TRIM69: variants seen among roughly 807,000 people sequenced by gnomAD.
TRIM69 encodes the protein E3 ubiquitin-protein ligase TRIM69.
TRIM69 carries 29 observed loss-of-function variants against 37.7 expected under a neutral mutation model. The ratio of observed to expected loss-of-function variants is 0.77; its 90% CI spans 0.57 to 1.05. The LOEUF (loss-of-function observed/expected upper bound fraction) is 1.05, where lower values mean the gene tolerates loss of function less well. Ranked by LOEUF, TRIM69 falls within the 50% of genes least tolerant of loss-of-function variation. The pLI is 0.00. For synonymous variants in TRIM69, 209 were observed against 212.4 expected (o/e 0.98, Z 0.14); for missense variants, 596 against 579.9 (o/e 1.03, Z -0.28).
At chr15:44,759,604 C>T (rs183577616) in intron 4 of TRIM69, 36 bp from the exon 5 acceptor site, 159 of 1,607,570 alleles carry the variant, frequency 9.9e-5, no homozygotes, top group African/African-American at 2.3e-4. Context: ...AGTTGATGAA[C>T]GGGCATCTGA....
In TRIM69 at chr15:44,767,577, G is replaced by A. The variant is rs2087927429; in HGVS notation, c.1308G>A (p.Leu436=). 6.2e-7 allele frequency: 1 copy of A among 1,614,140 alleles called. No individual in the cohort carries two copies. The highest frequency in any genetic ancestry group is 8.5e-7 in the Non-Finnish European group (1 of 1,179,996). The change falls in exon 7 of 7, where the codon CTG becomes CTA. Residue 436 remains leucine, a synonymous_variant. Coordinates refer to ENST00000329464, the MANE Select transcript of TRIM69 (RefSeq NM_182985.5). ...ATTTGCCTTCTTTCAGTCTGACACT[G>A]ACTAACAACCTCGACAAGGTGGGCA... ...ALDLPSFSLT[L]TNNLDKVGIY...
chr15:44,745,069 T>TAA (rs35438847), intron 1 of TRIM69, among the ~76,000 whole-genome samples: 1 of 138,100 alleles, frequency 7.2e-6, no homozygotes. Context: ...GAGTGCATAC[T>TAA]AAAAAAAAAA....
intron 2 of TRIM69, 148 bp downstream of exon 2, chr15:44,755,524 G>A: frequency 3.0e-6 from 2 of 671,398 alleles, no homozygotes; most frequent in South Asian, 3.9e-5. Flanking sequence ...ATCTTGCAAA[G>A]TTCTTTTTCT....
Position 44,758,623 on chromosome 15 carries a change from A to G in TRIM69, c.582A>G (p.Glu194=), listed in dbSNP as rs764025816. 6.2e-7 allele frequency: 1 copy of G among 1,614,054 alleles called. No individual in the cohort carries two copies. The highest frequency in any genetic ancestry group is 8.5e-7 in the Non-Finnish European group (1 of 1,179,972). The change falls in exon 4 of 7, where the codon GAA becomes GAG. Residue 194 remains glutamate, a splice_region_variant and synonymous_variant. Coordinates refer to ENST00000329464, the MANE Select transcript of TRIM69 (RefSeq NM_182985.5). ...MQKEAIAAHK[E]NKLHLQQHVS... ...GTGATAATCATGGAGGTTTCCAGGA[A>G]AACAAGCTACATCTGCAGCAACATG...
chr15:44,742,686 C>A, intron 1 of TRIM69, among the ~76,000 whole-genome samples: 1 of 56,378 alleles, frequency 1.8e-5, no homozygotes, highest in Non-Finnish European at 4.5e-5. Context: ...AAACAGAGAG[C>A]CAAATCATGA....
At chr15:44,745,854 G>C (rs546523540) in intron 1 of TRIM69, among the ~76,000 whole-genome samples, 6 of 152,144 alleles carry the variant, frequency 3.9e-5, no homozygotes, top group Admixed American at 3.9e-4. Context: ...TTATGCTGAA[G>C]ATCAGGGAAA....
At chr15:44,754,579 T>C (rs1453541180) in intron 1 of TRIM69, 1 of 281,088 alleles carries the variant, frequency 3.6e-6, no homozygotes, top group Non-Finnish European at 6.6e-6. Flanking sequence ...AGGTAATAAC[T>C]AGTAGAGCAG....
At chr15:44,744,348 C>G (rs1341042950) in intron 1 of TRIM69, among the ~76,000 whole-genome samples, 1 of 145,874 alleles carries the variant, frequency 6.9e-6, no homozygotes, top group Non-Finnish European at 1.5e-5. Flanking sequence ...GGAGATATAC[C>G]TAATGCTAAA....
chr15:44,758,651 T>G lies in TRIM69; in HGVS notation c.610T>G (p.Ser204Ala). The G allele has an allele frequency of 6.2e-7, 1 of 1,614,078 alleles. No individual in the cohort carries two copies. The highest frequency in any genetic ancestry group is 8.5e-7 in the Non-Finnish European group (1 of 1,179,988). ...ENKLHLQQHV[S>A]MEFLKLHQFL... ...CAAGCTACATCTGCAGCAACATGTG[T>G]CCATGGAGTTTCTAAAGCTGCATCA... Residue 204 changes from serine to alanine, a missense_variant, in exon 4 of 7, where the codon TCC (serine) becomes GCC (alanine). Transcript: ENST00000329464.
rs1035246716 is a variant in TRIM69, at chr15:44,756,377, G to T, written c.493G>T (p.Ala165Ser). 1.3e-6 allele frequency: 2 copies of T among 1,549,664 alleles called. No individual in the cohort carries two copies. The highest frequency in any genetic ancestry group is 2.7e-5 in the African/African-American group (2 of 72,940). ...DAVHFFTEEL[A>S]IQQGQLETTL... Reference sequence around the variant, plus strand: ...TATTTGATATTCCCAGGAGGAGCTTGCCATCCAACAGGGTCAACTGGAGAC... The same window carrying T: ...TATTTGATATTCCCAGGAGGAGCTTTCCATCCAACAGGGTCAACTGGAGAC... Residue 165 changes from alanine (A) to serine (S), a missense_variant, in exon 3 of 7, where the codon GCC (alanine) becomes TCC (serine). Physicochemically the swap from Ala to Ser is moderately conservative, Grantham distance 99 (BLOSUM62 1). Transcript: ENST00000329464.
At chr15:44,764,894 T>C (rs1252036107) in intron 6 of TRIM69, among the ~76,000 whole-genome samples, 1 of 152,134 alleles carries the variant, frequency 6.6e-6, no homozygotes, top group Non-Finnish European at 1.5e-5. Context: ...TCAAAGTAAA[T>C]GAGGGAAAGT....
At chr15:44,739,605 G>A (rs556746859) in intron 1 of TRIM69, among the ~76,000 whole-genome samples, 41 of 152,334 alleles carry the variant, frequency 2.7e-4, no homozygotes, top group South Asian at 1.0e-3. Flanking sequence ...AGGGCCCTAC[G>A]CCCATGGAGT....
At chr15:44,752,667 G>A (rs6493124) in intron 1 of TRIM69, among the ~76,000 whole-genome samples, 141,838 of 152,234 alleles carry the variant, frequency 0.93, 66,212 homozygotes, top group Middle Eastern at 0.96. Flanking sequence ...GTTATTTTCT[G>A]TATGTGCTTT....
At chr15:44,764,300 T>C (rs1049323208) in intron 6 of TRIM69, among the ~76,000 whole-genome samples, 15 of 152,356 alleles carry the variant, frequency 9.8e-5, no homozygotes, top group Middle Eastern at 3.4e-3. Context: ...AATATATGAC[T>C]ATTTATTAAT....
At chr15:44,752,256 A>G (rs376923028) in intron 1 of TRIM69, among the ~76,000 whole-genome samples, 3 of 152,214 alleles carry the variant, frequency 2.0e-5, no homozygotes, top group South Asian at 2.1e-4. Flanking sequence ...CTATCTTCAC[A>G]TCTGTCTCTT....
intron 1 of TRIM69, among the ~76,000 whole-genome samples, chr15:44,743,174 A>G (rs1437327753): frequency 6.6e-6 from 1 of 151,862 alleles, no homozygotes; most frequent in East Asian, 1.9e-4. Flanking sequence ...ATCTACAACT[A>G]TCTAACCTTT....
intron 1 of TRIM69, among the ~76,000 whole-genome samples, chr15:44,749,104 G>T (rs571331322): frequency 1.3e-5 from 2 of 152,124 alleles, no homozygotes; most frequent in Admixed American, 6.5e-5. Flanking sequence ...TGCTCACGCT[G>T]GTCTCAAATT....
At chr15:44,763,003 C>A (rs2087810589) in intron 6 of TRIM69, among the ~76,000 whole-genome samples, 1 of 152,144 alleles carries the variant, frequency 6.6e-6, no homozygotes, top group South Asian at 2.1e-4. Context: ...CCCATCCTCA[C>A]TTTTCTCTAT....
rs905064878 is a variant in TRIM69 at position 44,759,810 on chromosome 15, G to A, written c.899G>A (p.Gly300Asp). The part of the protein sequence containing the change: ...RELISRKLNL[G>D]QYKGPIQYMV... ...CTTATTTCCAGAAAGCTGAACCTGG[G>A]CCAGTACAAAGGTCCTATCCAGTAC... Residue 300 changes from glycine (G) to aspartate (D), a missense_variant, in exon 6 of 7, where the codon GGC becomes GAC. Physicochemically the swap from Gly to Asp is moderately conservative, Grantham distance 94. Transcript: ENST00000329464. 1 of 1,614,166 alleles carries A rather than the reference G, an allele frequency of 6.2e-7. No individual in the cohort carries two copies. Among genetic ancestry groups the A allele is most frequent in the African/African-American group, 1.3e-5 (1 of 75,038 alleles).
Sources: allele counts gnomAD v4.1 joint callset (sites outside exome capture counted in the v4.1 genomes callset), GRCh38; gene constraint gnomAD v4.1.1; transcripts MANE v1.5; gene names NCBI Gene and HGNC (gene_info 2026-07-23, HGNC 2026-07-21).